The following RAP1GAP2 variants were observed in gnomAD, a reference collection of about 807,000 sequenced individuals.
The protein encoded by RAP1GAP2 is rap1 GTPase-activating protein 2.
In RAP1GAP2, 27 loss-of-function variants were observed where a neutral mutation model predicts 95.0. The ratio of observed to expected loss-of-function variants is 0.28; its 90% CI spans 0.21 to 0.39. The LOEUF is 0.39. Ranked by LOEUF, RAP1GAP2 falls within the 10% of genes least tolerant of loss-of-function variation. RAP1GAP2 has a pLI of 1.00. For missense variants in RAP1GAP2, 771 were observed against 970.0 expected (o/e 0.79, Z 2.72); for synonymous variants, 373 against 380.9 (o/e 0.98, Z 0.24).
chr17:2,854,009 C>G (rs1247508328), intron 2 of RAP1GAP2: 5 of 984,692 alleles, frequency 5.1e-6, no homozygotes, highest in Non-Finnish European at 4.8e-6. Context: ...TCCCAGCCCG[C>G]GGGGAGGAGG....
chr17:2,801,242 A>G (rs1287800841), intron 2 of RAP1GAP2, among the ~76,000 whole-genome samples: 4 of 151,112 alleles, frequency 2.6e-5, no homozygotes, highest in African/African-American at 9.7e-5. Flanking sequence ...TGGGAGGCCG[A>G]GGTGGGTGGA....
intron 2 of RAP1GAP2, among the ~76,000 whole-genome samples, chr17:2,804,398 G>C (rs2069426395): frequency 6.6e-6 from 1 of 152,260 alleles, no homozygotes; most frequent in African/African-American, 2.4e-5. Context: ...AGTGGAGACT[G>C]AGAGAGTTTA....
upstream of RAP1GAP2, among the ~76,000 whole-genome samples, chr17:2,775,266 A>G (rs1419479050): frequency 3.9e-5 from 6 of 152,176 alleles, no homozygotes; most frequent in Non-Finnish European, 8.8e-5. Context: ...GGAGAGACAG[A>G]CGATAAACAT....
rs936393191 is a variant in RAP1GAP2, at chr17:2,980,193, T to A, written c.597-94T>A. 9 of 1,190,148 alleles carry A rather than the reference T, an allele frequency of 7.6e-6. No individual in the cohort carries two copies. The African/African-American group carries it at 1.1e-4, about 14-fold the overall frequency. The allele number at this position is 1,190,148 out of a possible 1,614,324, so 73.7% of individuals were successfully genotyped here. A position where few individuals can be genotyped will look rare whatever the true frequency, so the allele number is the denominator to read the frequency against. ...CCTGACCTCAAGTGATCTGCCCTCC[T>A]TGGCCTCCCAAAATGCTGAGATGAC... On this transcript the variant is annotated intron_variant, in intron 8 of 24. Transcript: ENST00000254695.
At chr17:2,960,895 C>T (rs973767822) in intron 4 of RAP1GAP2, among the ~76,000 whole-genome samples, 4 of 152,232 alleles carry the variant, frequency 2.6e-5, no homozygotes, top group Admixed American at 6.5e-5. Context: ...CTGCACAACA[C>T]GGTTAAGTCA....
chr17:2,757,668 T>C (rs2071171410), intron 1 of RAP1GAP2, among the ~76,000 whole-genome samples: 1 of 151,718 alleles, frequency 6.6e-6, no homozygotes. Context: ...GGACTAAAAC[T>C]GGAACAGAGG....
chr17:2,796,404 A>G (rs944560381), upstream of RAP1GAP2: 1 of 1,046,944 alleles, frequency 9.6e-7, no homozygotes, highest in African/African-American at 1.6e-5. The surrounding 1 kb of genome is among the most constrained non-coding windows in gnomAD (Gnocchi z 4.7). Context: ...GCGAAGAGGG[A>G]GGTGCCACGC....
chr17:2,823,863 C>T (rs1259455348), intron 2 of RAP1GAP2, among the ~76,000 whole-genome samples: 1 of 152,176 alleles, frequency 6.6e-6, no homozygotes, highest in Non-Finnish European at 1.5e-5. Context: ...GCGGCTCACA[C>T]CTGTCATCCC....
chr17:2,997,048 T>A (rs1271455926), intron 13 of RAP1GAP2, among the ~76,000 whole-genome samples: 1 of 152,162 alleles, frequency 6.6e-6, no homozygotes, highest in African/African-American at 2.4e-5. Flanking sequence ...CGATCATAGC[T>A]CACCGCGGCC....
In RAP1GAP2 at chr17:2,995,401, C is replaced by T. The variant is rs776868511; in HGVS notation, c.979C>T (p.Arg327Trp). 6 of 1,613,792 alleles carry T rather than the reference C, an allele frequency of 3.7e-6. No homozygotes were observed. The highest frequency in any genetic ancestry group is 2.2e-5 in the East Asian group (1 of 44,878). Reference sequence around the variant, plus strand: ...GGTGGAATCAGTGTACACAACATTCCGGGACAGGGAGATCATGTTTCACGT... The same window carrying T: ...GGTGGAATCAGTGTACACAACATTCTGGGACAGGGAGATCATGTTTCACGT... ...TGVESVYTTFRDREIMFHVST... is the reference protein window; with the variant it reads ...TGVESVYTTFWDREIMFHVST... Residue 327 changes from arginine (R) to tryptophan (W), a missense_variant, in exon 13 of 25, where the codon CGG (arginine) becomes TGG (tryptophan). Coordinates refer to ENST00000254695, the MANE Select transcript of RAP1GAP2 (RefSeq NM_015085.5).
chr17:2,945,799 TA>T (rs201827864), intron 3 of RAP1GAP2, among the ~76,000 whole-genome samples: 3,898 of 152,096 alleles, frequency 0.026, 62 homozygotes, highest in African/African-American at 0.05. Flanking sequence ...ATTTTATTAT[TA>T]TTTTTTTTGA....
intron 2 of RAP1GAP2, among the ~76,000 whole-genome samples, chr17:2,862,690 A>T (rs948314104): frequency 2.0e-5 from 3 of 152,148 alleles, no homozygotes; most frequent in Non-Finnish European, 4.4e-5. Context: ...TATGATAGTT[A>T]TATAACGTTA....
chr17:2,892,586 G>A (rs546371974), intron 2 of RAP1GAP2, among the ~76,000 whole-genome samples: 51 of 152,282 alleles, frequency 3.3e-4, no homozygotes, highest in African/African-American at 9.9e-4. Context: ...GGACTGGGAT[G>A]TTTGGAGCAT....
intron 7 of RAP1GAP2, chr17:2,964,435 C>A: frequency 4.1e-6 from 1 of 245,210 alleles, no homozygotes. Context: ...CTCTTACCTC[C>A]TTCCTAGTCT....
At position 2,912,045 on chromosome 17, in the gene RAP1GAP2, C is replaced by T. The variant is rs1363831367; in HGVS notation, c.165+6677C>T. Among the ~76,000 whole-genome samples the T allele has an allele frequency of 2.0e-5, 3 of 152,222 alleles. No homozygotes were observed. The East Asian group carries it at 5.8e-4, about 29-fold the overall frequency. ...AAGAGGATAATGTGCGCTTGGAGTT[C>T]CCACTGCAGGGACCAGCAGAACGTC... is the stretch of plus-strand genomic sequence containing the variant. On this transcript the variant is annotated intron_variant, in intron 3 of 24. Coordinates refer to ENST00000254695, the MANE Select transcript of RAP1GAP2 (RefSeq NM_015085.5).
intron 2 of RAP1GAP2, among the ~76,000 whole-genome samples, chr17:2,881,924 C>T (rs148073974): frequency 1.3e-5 from 2 of 151,806 alleles, no homozygotes; most frequent in East Asian, 3.9e-4. Flanking sequence ...GGGTTCACGC[C>T]ATTCTCCTGC....
At chr17:2,846,578 C>CT (rs1211559848) in intron 2 of RAP1GAP2, among the ~76,000 whole-genome samples, 2 of 151,778 alleles carry the variant, frequency 1.3e-5, no homozygotes, top group Non-Finnish European at 2.9e-5. Flanking sequence ...GCCTGGCCAA[C>CT]TTTGGCTATT....
intron 3 of RAP1GAP2, among the ~76,000 whole-genome samples, chr17:2,936,303 C>G (rs1012887497): frequency 3.1e-5 from 4 of 129,946 alleles, no homozygotes; most frequent in African/African-American, 1.2e-4. Flanking sequence ...GTCTCGCTGG[C>G]CTTCATGCCT....
At chr17:2,980,440 T>C in intron 9 of RAP1GAP2, 75 bp downstream of exon 9, 1 of 1,451,798 alleles carries the variant, frequency 6.9e-7, no homozygotes, top group Non-Finnish European at 9.7e-7. Context: ...GGGGTGCAGG[T>C]ATATCCTGGG....
Sources: allele counts gnomAD v4.1 joint callset (sites outside exome capture counted in the v4.1 genomes callset), GRCh38; gene constraint gnomAD v4.1.1; non-coding constraint Gnocchi (gnomAD v3.1); transcripts MANE v1.5; gene names NCBI Gene and HGNC (gene_info 2026-07-23, HGNC 2026-07-21).